WDSUB1: variants seen among roughly 807,000 people sequenced by gnomAD.
WDSUB1 encodes WD repeat, SAM and U-box domain-containing protein 1.
Under a neutral mutation model 53.9 loss-of-function variants are expected in WDSUB1, and 49 were observed. The observed-to-expected ratio is 0.91, with a 90% CI of 0.72 to 1.15. WDSUB1 has a LOEUF of 1.15. Among genes scored for constraint, WDSUB1 ranks in the 50% most tolerant of loss-of-function variants. The pLI is 0.00. For synonymous variants in WDSUB1, 194 were observed against 200.6 expected, an observed-to-expected ratio of 0.97 and a Z score of 0.28; for missense variants, 514 against 562.0, an observed-to-expected ratio of 0.91 and a Z score of 0.86.
chr2:159,282,512 G>C (rs1001176769), intron 2 of WDSUB1, among the ~76,000 whole-genome samples, 160 bp downstream of exon 2: 1 of 152,034 alleles, frequency 6.6e-6, no homozygotes, highest in Non-Finnish European at 1.5e-5. Context: ...ATTTTTCCTT[G>C]TGCTACCTGA....
At chr2:159,268,354 C>T (rs530866953) in intron 5 of WDSUB1, among the ~76,000 whole-genome samples, 1 of 152,298 alleles carries the variant, frequency 6.6e-6, no homozygotes, top group Non-Finnish European at 1.5e-5. Context: ...CAGAGTTCAA[C>T]TTTATTTGTT....
At chr2:159,250,951 G>T (rs1174359983) in intron 9 of WDSUB1, among the ~76,000 whole-genome samples, 1 of 152,006 alleles carries the variant, frequency 6.6e-6, no homozygotes, top group Non-Finnish European at 1.5e-5. Context: ...CTCATTTAAA[G>T]AGATAATTAT....
At chr2:159,249,852 G>A (rs1230147126) in intron 9 of WDSUB1, among the ~76,000 whole-genome samples, 1 of 150,980 alleles carries the variant, frequency 6.6e-6, no homozygotes, top group Non-Finnish European at 1.5e-5. Context: ...GATCACTTGA[G>A]GTCAGAATTT....
chr2:159,247,935 A>G lies in WDSUB1; in HGVS notation c.1273+437T>C, dbSNP rs1355911936. On this transcript the variant is annotated intron_variant, in intron 10 of 10. Transcript: ENST00000359774. ...AATATATATATATATATAAATATAT[A>G]TATATATAAAATTTGGATTCACTGA... 1.6e-3 allele frequency among the ~76,000 whole-genome samples: 143 copies of G among 88,078 alleles called. 7 individuals carry two copies. Among genetic ancestry groups the G allele is most frequent in the South Asian group, 2.6e-3 (8 of 3,032 alleles). 57.8% of individuals were successfully genotyped at this position (88,078 alleles called of 152,430 possible).
rs1410156165 is a variant in WDSUB1 at position 159,237,584 on chromosome 2, C to G, written c.1274-1394G>C. Reference sequence around the variant, plus strand: ...TCAGAGGGGTCTAATCTAACCCTGTCCAATCCTTGTTACCCACCCTTCCCA... The same window carrying G: ...TCAGAGGGGTCTAATCTAACCCTGTGCAATCCTTGTTACCCACCCTTCCCA... On this transcript the variant is annotated intron_variant, in intron 10 of 10. Coordinates refer to ENST00000359774, the MANE Select transcript of WDSUB1 (RefSeq NM_001128212.3). 2.0e-5 allele frequency among the ~76,000 whole-genome samples: 3 copies of G among 152,034 alleles called. No individual in the cohort carries two copies. In the East Asian group the frequency reaches 5.8e-4, roughly 29 times the overall value.
At chr2:159,275,719 C>A in intron 3 of WDSUB1, 81 bp from the exon 4 acceptor site, 1 of 1,035,468 alleles carries the variant, frequency 9.7e-7, no homozygotes. Context: ...ATACTAAGAT[C>A]TATTAATTCT....
rs1158784392 is a variant in WDSUB1, at chr2:159,257,750, T to A, written c.952+8A>T. The A allele has an allele frequency of 1.2e-6, 2 of 1,611,114 alleles. No individual in the cohort carries two copies. The highest frequency in any genetic ancestry group is 2.2e-5 in the East Asian group (1 of 44,860). On this transcript the variant is annotated splice_region_variant and intron_variant, in intron 8 of 10. Transcript: ENST00000359774. ...TTGAAATGAGTGAAAAATGATGTCCTTACTAACCTTGGCAAAGTGTTTCCA... is the reference window on the plus strand; with the variant it reads ...TTGAAATGAGTGAAAAATGATGTCCATACTAACCTTGGCAAAGTGTTTCCA...
chr2:159,255,136 C>T (rs1001688681), intron 9 of WDSUB1, among the ~76,000 whole-genome samples: 6 of 151,438 alleles, frequency 4.0e-5, no homozygotes, highest in African/African-American at 1.5e-4. Context: ...CTATCTCTTC[C>T]CCCACCCTGC....
intron 5 of WDSUB1, 89 bp from the exon 6 acceptor site, chr2:159,259,932 CTTT>C: frequency 7.8e-7 from 1 of 1,274,104 alleles, no homozygotes; most frequent in Non-Finnish European, 1.1e-6. Context: ...ATTTTAGTAA[CTTT>C]TCTAGAAAAG....
chr2:159,241,489 G>C (rs1216461600), intron 10 of WDSUB1, among the ~76,000 whole-genome samples: 1 of 148,894 alleles, frequency 6.7e-6, no homozygotes, highest in Non-Finnish European at 1.5e-5. Flanking sequence ...TTAAACCCAG[G>C]AGGTAGAGGT....
intron 10 of WDSUB1, 66 bp from the exon 11 acceptor site, chr2:159,236,256 G>A (rs560416801): frequency 4.7e-6 from 7 of 1,500,032 alleles, no homozygotes; most frequent in Admixed American, 2.1e-5. Context: ...CTAAAATGAA[G>A]TGAATGTAAA....
chr2:159,238,678 G>A (rs2060554599), intron 10 of WDSUB1, among the ~76,000 whole-genome samples: 1 of 152,098 alleles, frequency 6.6e-6, no homozygotes, highest in Non-Finnish European at 1.5e-5. Context: ...TTCTATTCCT[G>A]GGCCAACACT....
At chr2:159,246,931 T>C (rs1296712239) in intron 10 of WDSUB1, among the ~76,000 whole-genome samples, 3 of 152,164 alleles carry the variant, frequency 2.0e-5, no homozygotes, top group African/African-American at 7.2e-5. Context: ...TGGATGAAAC[T>C]AAAATTTGAG....
chr2:159,261,722 C>T (rs1284079530), intron 5 of WDSUB1, among the ~76,000 whole-genome samples: 3 of 151,274 alleles, frequency 2.0e-5, no homozygotes, highest in African/African-American at 7.3e-5. Flanking sequence ...CACAAAAATA[C>T]TTTCATAACA....
intron 4 of WDSUB1, among the ~76,000 whole-genome samples, chr2:159,275,076 T>G (rs1000217740): frequency 2.0e-5 from 3 of 152,122 alleles, no homozygotes; most frequent in Non-Finnish European, 4.4e-5. Flanking sequence ...ATTCAATTAA[T>G]GGAAGTTGTA....
chr2:159,270,856 CAT>C (rs1553458604), intron 5 of WDSUB1, among the ~76,000 whole-genome samples: 5 of 151,798 alleles, frequency 3.3e-5, no homozygotes, highest in Non-Finnish European at 7.4e-5. Context: ...CACACACACA[CAT>C]ACATATATAA....
At position 159,276,941 on chromosome 2, in the gene WDSUB1, G is replaced by A. The variant is rs148468366; in HGVS notation, c.584-1303C>T. 6.0e-3 allele frequency among the ~76,000 whole-genome samples: 915 copies of A among 152,256 alleles called. 36 individuals carry two copies. The East Asian group carries it at 0.092, about 15-fold the overall frequency. On this transcript the variant is annotated intron_variant, in intron 3 of 10. Coordinates refer to ENST00000359774, the MANE Select transcript of WDSUB1 (RefSeq NM_001128212.3). ...ATCTCCTTGAGCCCAGGAGTTTGAG[G>A]CTGCAGTGAGCTATGATCACACCAC... is the stretch of plus-strand genomic sequence containing the variant.
chr2:159,245,959 G>C (rs1019471195), intron 10 of WDSUB1, among the ~76,000 whole-genome samples: 1 of 152,110 alleles, frequency 6.6e-6, no homozygotes, highest in Non-Finnish European at 1.5e-5. Flanking sequence ...GAGAAACTAT[G>C]TGCAATACAT....
chr2:159,253,173 T>G (rs942573374), intron 9 of WDSUB1, among the ~76,000 whole-genome samples: 1 of 152,212 alleles, frequency 6.6e-6, no homozygotes, highest in African/African-American at 2.4e-5. Context: ...CTTTCACACT[T>G]TATGCCTTTT....
Sources: allele counts gnomAD v4.1 joint callset (sites outside exome capture counted in the v4.1 genomes callset), GRCh38; gene constraint gnomAD v4.1.1; transcripts MANE v1.5; gene names NCBI Gene and HGNC (gene_info 2026-07-23, HGNC 2026-07-21).